Variants in NRG1 observed in about 807,000 individuals in gnomAD.
The protein encoded by NRG1 is pro-neuregulin-1, membrane-bound isoform.
In NRG1, 18 loss-of-function variants were observed where a neutral mutation model predicts 63.8. The ratio of observed to expected loss-of-function variants is 0.28; its 90% CI spans 0.19 to 0.42. The LOEUF (loss-of-function observed/expected upper bound fraction) is 0.42, where lower values mean the gene tolerates loss of function less well. NRG1 is among the 10% of genes least tolerant of loss of function. NRG1 has a pLI of 1.00. For missense variants in NRG1, 762 were observed against 814.7 expected, an observed-to-expected ratio of 0.94 and a Z score of 0.79; for synonymous variants, 302 against 301.3, an observed-to-expected ratio of 1.00 and a Z score of -0.02.
chr8:32,285,801 A>G (rs1474248592), intron 1 of NRG1, among the ~76,000 whole-genome samples: 2 of 152,164 alleles, frequency 1.3e-5, no homozygotes, highest in Non-Finnish European at 2.9e-5. Context: ...GATTCTTGCT[A>G]TGGTTGTAGG....
At chr8:32,256,237 A>G (rs920127435) in intron 1 of NRG1, among the ~76,000 whole-genome samples, 1 of 151,946 alleles carries the variant, frequency 6.6e-6, no homozygotes, top group Non-Finnish European at 1.5e-5. Context: ...GCTGGTGAGG[A>G]GTTTGTGATC....
intron 1 of NRG1, among the ~76,000 whole-genome samples, chr8:31,858,831 T>G (rs1482376873): frequency 6.6e-6 from 1 of 152,198 alleles, no homozygotes; most frequent in Non-Finnish European, 1.5e-5. Flanking sequence ...CTTCAGAAGT[T>G]GAATGCATTG....
chr8:31,970,758 CCATGTAAACTGTGGGTACAG>C (rs1379798142), intron 1 of NRG1, among the ~76,000 whole-genome samples: 8 of 152,184 alleles, frequency 5.3e-5, no homozygotes, highest in African/African-American at 7.2e-5. Context: ...TCCTTACCCT[CCATGTAAACTGTGGGTACAG>C]CATTTGCTAC....
chr8:32,249,038 A>C (rs1848843607), intron 1 of NRG1, among the ~76,000 whole-genome samples: 1 of 152,114 alleles, frequency 6.6e-6, no homozygotes, highest in Non-Finnish European at 1.5e-5. Context: ...AATTTGGGAA[A>C]TATTTGGTTT....
intron 1 of NRG1, among the ~76,000 whole-genome samples, chr8:32,432,591 C>T (rs1818282842): frequency 6.6e-6 from 1 of 152,098 alleles, no homozygotes. Context: ...CTCACTGCAA[C>T]CTCCGCCTCC....
chr8:32,464,582 ATG>A (rs1822817390), intron 1 of NRG1, among the ~76,000 whole-genome samples: 1 of 152,178 alleles, frequency 6.6e-6, no homozygotes, highest in Non-Finnish European at 1.5e-5. Context: ...TAGAAAATGT[ATG>A]AGATGTTCTT....
chr8:32,119,174 G>T (rs549412484), intron 1 of NRG1, among the ~76,000 whole-genome samples: 1 of 152,072 alleles, frequency 6.6e-6, no homozygotes. Context: ...GAAAGAATGA[G>T]TATTACAAGG....
intron 1 of NRG1, among the ~76,000 whole-genome samples, chr8:31,652,692 G>A (rs1451229372): frequency 3.3e-5 from 5 of 152,140 alleles, no homozygotes; most frequent in African/African-American, 9.7e-5. Context: ...TCCGTGGAAT[G>A]GTTAAATAAC....
chr8:32,357,813 C>T (rs938858906), intron 1 of NRG1, among the ~76,000 whole-genome samples: 1 of 152,220 alleles, frequency 6.6e-6, no homozygotes, highest in Non-Finnish European at 1.5e-5. Flanking sequence ...GTCTTTGGAG[C>T]TTTCAATCTA....
chr8:32,274,349 G>C (rs796249674), intron 1 of NRG1, among the ~76,000 whole-genome samples: 2 of 152,248 alleles, frequency 1.3e-5, no homozygotes, highest in African/African-American at 4.8e-5. Context: ...GTGTGAAAAG[G>C]TTTCATTAAA....
chr8:31,720,988 C>G (rs1237094566), intron 1 of NRG1, among the ~76,000 whole-genome samples: 1 of 151,998 alleles, frequency 6.6e-6, no homozygotes, highest in Non-Finnish European at 1.5e-5. Flanking sequence ...TAGAGGGAAG[C>G]CAGGGGGTTT....
intron 1 of NRG1, among the ~76,000 whole-genome samples, chr8:31,926,599 A>C (rs373760386): frequency 6.6e-6 from 1 of 152,120 alleles, no homozygotes; most frequent in East Asian, 1.9e-4. Flanking sequence ...GAACAACAAT[A>C]TCCTCATATG....
intron 1 of NRG1, among the ~76,000 whole-genome samples, chr8:32,127,377 A>G (rs1414072195): frequency 6.6e-6 from 1 of 151,868 alleles, no homozygotes; most frequent in East Asian, 1.9e-4. Context: ...AGACCTTCCA[A>G]GAGAAGGTTG....
intron 3 of NRG1, among the ~76,000 whole-genome samples, chr8:32,609,552 C>CT (rs1427876662): frequency 3.6e-5 from 3 of 83,226 alleles, no homozygotes; most frequent in South Asian, 6.1e-4. Flanking sequence ...CCTTCCCTCC[C>CT]TCCTTCCTTC....
intron 5 of NRG1, among the ~76,000 whole-genome samples, chr8:32,628,421 G>A (rs1198034303): frequency 6.6e-6 from 1 of 152,000 alleles, no homozygotes; most frequent in Non-Finnish European, 1.5e-5. Context: ...GTTTCTCCAA[G>A]TTATCTGTGA....
intron 1 of NRG1, among the ~76,000 whole-genome samples, chr8:32,106,545 A>T (rs929017472): frequency 1.3e-5 from 2 of 152,146 alleles, no homozygotes; most frequent in Non-Finnish European, 2.9e-5. Context: ...AGTGCCTTAA[A>T]TTAGGTTTCT....
At chr8:32,389,629 G>A (rs1811453599) in intron 1 of NRG1, among the ~76,000 whole-genome samples, 1 of 152,092 alleles carries the variant, frequency 6.6e-6, no homozygotes, top group Non-Finnish European at 1.5e-5. Context: ...CTGACTTTCT[G>A]CCTAAATGGT....
chr8:31,963,866 T>C (rs1805880070), intron 1 of NRG1, among the ~76,000 whole-genome samples: 1 of 152,188 alleles, frequency 6.6e-6, no homozygotes, highest in African/African-American at 2.4e-5. Context: ...TCTAGGTCAG[T>C]CATGCCATTT....
At chr8:32,182,396 G>A (rs919190700) in intron 1 of NRG1, among the ~76,000 whole-genome samples, 4 of 152,072 alleles carry the variant, frequency 2.6e-5, no homozygotes, top group African/African-American at 7.2e-5. Flanking sequence ...ACAGGCATGC[G>A]CCACCATACC....
Sources: allele counts gnomAD v4.1 joint callset (sites outside exome capture counted in the v4.1 genomes callset), GRCh38; gene constraint gnomAD v4.1.1; transcripts MANE v1.5; gene names NCBI Gene and HGNC (gene_info 2026-07-23, HGNC 2026-07-21).